Variants in KIZ observed in about 807,000 individuals in gnomAD.
The protein encoded by KIZ is centrosomal protein kizuna.
In KIZ, 68 loss-of-function variants were observed where a neutral mutation model predicts 79.6. The observed-to-expected ratio is 0.85, with a 90% confidence interval of 0.70 to 1.05. The LOEUF (loss-of-function observed/expected upper bound fraction) is 1.05, where lower values mean the gene tolerates loss of function less well. KIZ is among the 50% of genes least tolerant of loss of function. The pLI, the probability that KIZ is intolerant of heterozygous loss-of-function variation, is 0.00. For synonymous variants in KIZ, 280 were observed against 281.8 expected, an observed-to-expected ratio of 0.99 and a Z score of 0.06; for missense variants, 797 against 800.4, an observed-to-expected ratio of 1.00 and a Z score of 0.05.
chr20:21,210,762 CTTT>C (rs11288900), intron 7 of KIZ, among the ~76,000 whole-genome samples: 1 of 146,060 alleles, frequency 6.8e-6, no homozygotes. Flanking sequence ...ATACTATCAG[CTTT>C]TTTTTTTTTA....
intron 1 of KIZ, 67 bp downstream of exon 1, chr20:21,126,271 T>G (rs1343178475): frequency 9.1e-7 from 1 of 1,103,620 alleles, no homozygotes; most frequent in Non-Finnish European, 1.2e-6. Context: ...CCCTGCCCCA[T>G]TTTCCTTCCC....
chr20:21,150,443 A>G (rs1011401915), intron 4 of KIZ, among the ~76,000 whole-genome samples: 2 of 152,210 alleles, frequency 1.3e-5, no homozygotes, highest in Non-Finnish European at 2.9e-5. Flanking sequence ...AAATCTCCCT[A>G]GACGGGGGCT....
At chr20:21,197,922 T>C (rs1187461055) in intron 6 of KIZ, 2 of 152,218 alleles carry the variant, frequency 1.3e-5, no homozygotes, top group Non-Finnish European at 2.9e-5. Flanking sequence ...CCAGGACTCC[T>C]ACCTGGGGGT....
chr20:21,163,156 G>C lies in KIZ; in HGVS notation c.1349G>C (p.Arg450Thr). 6.2e-7 allele frequency: 1 copy of C among 1,601,354 alleles called. No individual in the cohort carries two copies. Among genetic ancestry groups the C allele is most frequent in the Non-Finnish European group, 8.5e-7 (1 of 1,174,290 alleles). Residue 450 changes from arginine (R) to threonine (T), a missense_variant, in exon 6 of 13, where the codon AGA (arginine) becomes ACA (threonine). Arg to Thr is a moderately conservative substitution (Grantham distance 71). Coordinates refer to ENST00000619189, the MANE Select transcript of KIZ (RefSeq NM_018474.6). ...EKESSTNAPTREPGQTPDSDV... is the reference protein window; with the variant it reads ...EKESSTNAPTTEPGQTPDSDV... ...GAATCCTCCACTAACGCACCAACAAGAGAGTAAGCCATTCAATTTTTTTTT... is the reference window on the plus strand; with the variant it reads ...GAATCCTCCACTAACGCACCAACAACAGAGTAAGCCATTCAATTTTTTTTT...
At chr20:21,127,029 T>C (rs1371466808) in intron 1 of KIZ, among the ~76,000 whole-genome samples, 1 of 152,220 alleles carries the variant, frequency 6.6e-6, no homozygotes, top group African/African-American at 2.4e-5. Context: ...AAAATCATTC[T>C]AGTGAACAGG....
At chr20:21,234,770 A>G (rs2036949587) in intron 11 of KIZ, among the ~76,000 whole-genome samples, 1 of 146,416 alleles carries the variant, frequency 6.8e-6, no homozygotes, top group African/African-American at 2.5e-5. Context: ...AACCCACTGG[A>G]CCTAAAAAAA....
chr20:21,208,435 GGCTTAC>G (rs1414206855), intron 7 of KIZ, among the ~76,000 whole-genome samples: 1 of 152,214 alleles, frequency 6.6e-6, no homozygotes, highest in African/African-American at 2.4e-5. Flanking sequence ...TGGACGCGGT[GGCTTAC>G]GCCTGTAATC....
Position 21,246,588 on chromosome 20 carries a change from A to G in KIZ, c.*12A>G, listed in dbSNP as rs999636650. On this transcript the variant is annotated 3_prime_UTR_variant, in exon 13 of 13. Coordinates refer to ENST00000619189, the MANE Select transcript of KIZ (RefSeq NM_018474.6). ...ATTTTTATGACTAACGTGCTGTGAC[A>G]TTGGTTTCAAATAAAGTCTTTAAAC... is the stretch of plus-strand genomic sequence containing the variant. 1.3e-6 allele frequency: 2 copies of G among 1,501,582 alleles called. No homozygotes were observed. The highest frequency in any genetic ancestry group is 2.8e-5 in the African/African-American group (2 of 72,526). The allele number at this position is 1,501,582 out of a possible 1,614,324, so 93.0% of individuals were successfully genotyped here.
intron 10 of KIZ, 104 bp from the exon 11 acceptor site, chr20:21,232,630 G>C (rs764463516): frequency 1.5e-6 from 1 of 667,988 alleles, no homozygotes; most frequent in Non-Finnish European, 2.8e-6. Flanking sequence ...ATCTTCCTCT[G>C]TTGGCGTTTG....
At chr20:21,239,906 AT>A (rs2037157988) in intron 11 of KIZ, among the ~76,000 whole-genome samples, 1 of 152,188 alleles carries the variant, frequency 6.6e-6, no homozygotes, top group South Asian at 2.1e-4. Flanking sequence ...AGGGGAATTT[AT>A]AAGCAGTTAC....
At chr20:21,194,487 A>G (rs2123062993) in intron 6 of KIZ, 2 of 152,364 alleles carry the variant, frequency 1.3e-5, no homozygotes, top group Middle Eastern at 6.8e-3. Context: ...TCTTTTGAGC[A>G]AAAGAACTGA....
chr20:21,223,949 A>AT (rs771806670), intron 9 of KIZ, among the ~76,000 whole-genome samples: 1 of 151,984 alleles, frequency 6.6e-6, no homozygotes, highest in Non-Finnish European at 1.5e-5. Flanking sequence ...GAGTGCTGGG[A>AT]TTACAGGCGT....
chr20:21,141,112 C>G (rs1600368953), intron 3 of KIZ, among the ~76,000 whole-genome samples: 1 of 152,104 alleles, frequency 6.6e-6, no homozygotes, highest in African/African-American at 2.4e-5. Flanking sequence ...TTCTGCCCCC[C>G]TACTCCCTGT....
intron 10 of KIZ, among the ~76,000 whole-genome samples, chr20:21,231,255 C>T (rs1469967664): frequency 6.6e-6 from 1 of 152,042 alleles, no homozygotes; most frequent in Non-Finnish European, 1.5e-5. Context: ...ACCCAGGAGG[C>T]AGAGGTTGCA....
chr20:21,214,209 G>A (rs1159618090), intron 7 of KIZ, among the ~76,000 whole-genome samples: 1 of 151,912 alleles, frequency 6.6e-6, no homozygotes, highest in Non-Finnish European at 1.5e-5. Flanking sequence ...TGTATATATC[G>A]AAGGGAGGAT....
At chr20:21,142,814 T>TAAATAAATAAATAAAG (rs1336765497) in intron 3 of KIZ, among the ~76,000 whole-genome samples, 2 of 151,604 alleles carry the variant, frequency 1.3e-5, no homozygotes, top group African/African-American at 4.9e-5. Flanking sequence ...AATAAATAAA[T>TAAATAAATAAATAAAG]AAAGTAAAAT....
At position 21,246,531 on chromosome 20, in the gene KIZ, C is replaced by T. The variant is rs1242964236; in HGVS notation, c.1977C>T (p.Arg659=). The T allele has an allele frequency of 1.2e-6, 2 of 1,611,762 alleles. No homozygotes were observed. Among genetic ancestry groups the T allele is most frequent in the Non-Finnish European group, 1.7e-6 (2 of 1,178,136 alleles). The part of the protein sequence containing the change: ...DSNSEIEAAL[R]PRNHNTDDSD... ...ACTCAGAAATTGAGGCTGCTTTACGCCCCAGAAACCATAACACCGATGATT... is the reference window on the plus strand; with the variant it reads ...ACTCAGAAATTGAGGCTGCTTTACGTCCCAGAAACCATAACACCGATGATT... The change falls in exon 13 of 13, where the codon CGC becomes CGT. Residue 659 remains arginine (R), a synonymous_variant. Transcript: ENST00000619189.
At chr20:21,126,345 G>A (rs1029316934) in intron 1 of KIZ, 141 bp downstream of exon 1, 1 of 531,808 alleles carries the variant, frequency 1.9e-6, no homozygotes, top group Non-Finnish European at 3.2e-6. Context: ...GCTCCCAGTG[G>A]GGCCTGGAGG....
chr20:21,157,223 C>T (rs76899583), intron 4 of KIZ, among the ~76,000 whole-genome samples: 2,395 of 152,250 alleles, frequency 0.016, 62 homozygotes, highest in African/African-American at 0.054. Context: ...CTCAAGTACA[C>T]GTTGCCTTTT....
Sources: allele counts gnomAD v4.1 joint callset (sites outside exome capture counted in the v4.1 genomes callset), GRCh38; gene constraint gnomAD v4.1.1; transcripts MANE v1.5; gene names NCBI Gene and HGNC (gene_info 2026-07-23, HGNC 2026-07-21).